The following NTM variants were observed in gnomAD, a reference collection of about 807,000 sequenced individuals.
The protein encoded by NTM is IgLON family member 2.
A neutral mutation model predicts 42.1 loss-of-function variants in NTM; 13 were observed. That is an observed-to-expected ratio of 0.31 (90% confidence interval 0.20 to 0.49). NTM has a LOEUF of 0.49. NTM is among the 20% of genes least tolerant of loss of function. The probability of loss-of-function intolerance (pLI) is 0.99; values close to 1 mark genes in which losing one functional copy is unlikely to be tolerated. For missense variants in NTM, 373 were observed against 452.8 expected (o/e 0.82, Z 1.60); for synonymous variants, 187 against 179.2 (o/e 1.04, Z -0.35).
At chr11:132,125,172 C>T (rs1366829813) in intron 2 of NTM, among the ~76,000 whole-genome samples, 1 of 152,120 alleles carries the variant, frequency 6.6e-6, no homozygotes, top group Admixed American at 6.5e-5. Flanking sequence ...AAAGATGAGG[C>T]GACTGAGTGA....
At chr11:132,218,777 G>A (rs2084483627) in intron 4 of NTM, among the ~76,000 whole-genome samples, 1 of 152,100 alleles carries the variant, frequency 6.6e-6, no homozygotes, top group East Asian at 1.9e-4. Context: ...CCAGAACTGG[G>A]CCTTCAGGTC....
At chr11:131,711,296 C>A (rs1222776488) in intron 1 of NTM, among the ~76,000 whole-genome samples, 1 of 152,108 alleles carries the variant, frequency 6.6e-6, no homozygotes, top group African/African-American at 2.4e-5. Flanking sequence ...AAAAAACAAA[C>A]AACCCCATCA....
intron 2 of NTM, among the ~76,000 whole-genome samples, chr11:132,091,621 C>CTT (rs2060387113): frequency 6.6e-6 from 1 of 150,900 alleles, no homozygotes; most frequent in Non-Finnish European, 1.5e-5. Context: ...GCTGGGGCAA[C>CTT]AGACCTACAC....
rs112201170 is a variant in NTM at position 131,850,104 on chromosome 11, A to G, written c.83-61460A>G. ...CAGAATTAGCTTTAATTGCTTGCTA[A>G]TATTAGTGTAGATGTAAACACTTAA... On this transcript the variant is annotated intron_variant, in intron 1 of 8. Transcript: ENST00000683400. Among the ~76,000 whole-genome samples, 704 of 152,264 alleles carry G rather than the reference A, an allele frequency of 4.6e-3. 4 individuals carry two copies. Among genetic ancestry groups the G allele is most frequent in the African/African-American group, 0.016 (660 of 41,550 alleles).
intron 2 of NTM, among the ~76,000 whole-genome samples, chr11:131,925,185 A>T (rs1377112808): frequency 6.6e-6 from 1 of 152,184 alleles, no homozygotes; most frequent in Non-Finnish European, 1.5e-5. Flanking sequence ...TACCTCTTAG[A>T]TGATAAATTA....
intron 2 of NTM, among the ~76,000 whole-genome samples, chr11:132,020,115 C>T (rs534957922): frequency 1.8e-4 from 27 of 152,182 alleles, no homozygotes; most frequent in African/African-American, 6.3e-4. Context: ...TGTTAGTTCA[C>T]TTAGGGCAAT....
chr11:131,633,017 T>C (rs1009812850), intron 1 of NTM, among the ~76,000 whole-genome samples: 5 of 152,202 alleles, frequency 3.3e-5, no homozygotes, highest in Admixed American at 1.3e-4. Flanking sequence ...GGTCTCTTCC[T>C]GCTGCATCCA....
At chr11:131,578,372 AAG>A (rs1388008080) in intron 1 of NTM, among the ~76,000 whole-genome samples, 3 of 152,176 alleles carry the variant, frequency 2.0e-5, no homozygotes, top group Admixed American at 2.0e-4. Flanking sequence ...GGCTCTTTGA[AAG>A]AGTCTTTCAG....
chr11:132,321,653 A>G (rs377338320), intron 7 of NTM, among the ~76,000 whole-genome samples: 3 of 152,170 alleles, frequency 2.0e-5, no homozygotes, highest in East Asian at 1.9e-4. Context: ...GCAGGCCAAC[A>G]TTCAGATTCA....
At chr11:132,041,335 G>A (rs1000124504) in intron 2 of NTM, among the ~76,000 whole-genome samples, 3 of 151,768 alleles carry the variant, frequency 2.0e-5, no homozygotes, top group Admixed American at 6.6e-5. Flanking sequence ...TAAGCAAGGT[G>A]ATGGAAAAAA....
intron 2 of NTM, among the ~76,000 whole-genome samples, chr11:132,018,620 C>T (rs2073829204): frequency 6.6e-6 from 1 of 151,914 alleles, no homozygotes. Context: ...TTGTTGGATT[C>T]AGCTTACTAA....
chr11:131,654,275 C>T (rs932318002), intron 1 of NTM, among the ~76,000 whole-genome samples: 1 of 152,174 alleles, frequency 6.6e-6, no homozygotes, highest in African/African-American at 2.4e-5. Flanking sequence ...CAGGCGCAGC[C>T]CTAGAATGTC....
chr11:131,759,667 A>G (rs376756720), intron 1 of NTM, among the ~76,000 whole-genome samples: 4 of 151,760 alleles, frequency 2.6e-5, no homozygotes, highest in African/African-American at 9.7e-5. Flanking sequence ...AAAGTGCTCA[A>G]GATTTTTTTT....
At chr11:132,181,880 A>C (rs1305706474) in intron 3 of NTM, among the ~76,000 whole-genome samples, 3 of 151,934 alleles carry the variant, frequency 2.0e-5, no homozygotes, top group Non-Finnish European at 2.9e-5. Context: ...TGACATTCCT[A>C]TGCTGCACCT....
At chr11:132,064,127 AAGG>A (rs1170895169) in intron 2 of NTM, among the ~76,000 whole-genome samples, 3 of 152,176 alleles carry the variant, frequency 2.0e-5, no homozygotes, top group East Asian at 1.9e-4. Context: ...GAGAGAAAGA[AAGG>A]AGGAGAGAAA....
chr11:131,578,693 C>G (rs920244962), intron 1 of NTM, among the ~76,000 whole-genome samples: 58 of 152,174 alleles, frequency 3.8e-4, no homozygotes, highest in Non-Finnish European at 8.8e-5. Context: ...CTTAACTTCT[C>G]TGTGTCTCAA....
At chr11:131,897,316 T>C (rs776673810) in intron 1 of NTM, among the ~76,000 whole-genome samples, 1 of 152,164 alleles carries the variant, frequency 6.6e-6, no homozygotes, top group Non-Finnish European at 1.5e-5. Flanking sequence ...GGTGGTAGCA[T>C]TGGAGACTGG....
At chr11:132,038,796 C>T (rs530034676) in intron 2 of NTM, among the ~76,000 whole-genome samples, 5 of 152,296 alleles carry the variant, frequency 3.3e-5, no homozygotes, top group East Asian at 1.9e-4. Context: ...CCCCAAAGGA[C>T]GTCTCGCCTG....
At chr11:132,299,511 A>C (rs953263802) in intron 4 of NTM, among the ~76,000 whole-genome samples, 1 of 152,182 alleles carries the variant, frequency 6.6e-6, no homozygotes, top group African/African-American at 2.4e-5. Flanking sequence ...GTATAAAAGA[A>C]GTTCAGGTGA....
Sources: allele counts gnomAD v4.1 joint callset (sites outside exome capture counted in the v4.1 genomes callset), GRCh38; gene constraint gnomAD v4.1.1; transcripts MANE v1.5; gene names NCBI Gene and HGNC (gene_info 2026-07-23, HGNC 2026-07-21).